IL12RB2: variants seen among roughly 807,000 people sequenced by gnomAD.
IL12RB2 encodes the protein interleukin-12 receptor subunit beta-2.
Under a neutral mutation model 89.4 loss-of-function variants are expected in IL12RB2, and 82 were observed. The ratio of observed to expected loss-of-function variants is 0.92; its 90% CI spans 0.77 to 1.10. IL12RB2 has a LOEUF of 1.10. Ranked by LOEUF, IL12RB2 falls within the 50% of genes least tolerant of loss-of-function variation. The pLI is 0.00. For missense variants in IL12RB2, 963 were observed against 1,031.9 expected, an observed-to-expected ratio of 0.93 and a Z score of 0.92; for synonymous variants, 368 against 370.1, an observed-to-expected ratio of 0.99 and a Z score of 0.07.
At chr1:67,370,032 A>C (rs544988636) in intron 11 of IL12RB2, among the ~76,000 whole-genome samples, 6 of 152,002 alleles carry the variant, frequency 3.9e-5, no homozygotes, top group African/African-American at 9.6e-5. Context: ...AAAAAAAAAA[A>C]AAAACAATAT....
rs1189721571 is a variant in IL12RB2, at chr1:67,372,475, A to T, written c.1499A>T (p.Tyr500Phe). ...KSYICYEIRV[Y>F]ALSGDQGGCS... ...TACATCTGTTATGAAATCCGTGTGTATGCACTCTCAGGGGATCAAGGAGGA... is the reference window on the plus strand; with the variant it reads ...TACATCTGTTATGAAATCCGTGTGTTTGCACTCTCAGGGGATCAAGGAGGA... The change falls in exon 12 of 17, where the codon TAT becomes TTT. Residue 500 changes from tyrosine to phenylalanine, a missense_variant. Transcript: ENST00000674203. 1.1e-5 allele frequency: 17 copies of T among 1,597,434 alleles called. No individual in the cohort carries two copies. Among genetic ancestry groups the T allele is most frequent in the Non-Finnish European group, 1.4e-5 (16 of 1,164,886 alleles).
chr1:67,351,457 C>T (rs570153754), intron 10 of IL12RB2, among the ~76,000 whole-genome samples: 24 of 152,084 alleles, frequency 1.6e-4, no homozygotes, highest in African/African-American at 2.4e-4. Context: ...AGGAGAAATA[C>T]GTGTTATGTT....
At chr1:67,389,368 G>A (rs1192891800) in intron 15 of IL12RB2, among the ~76,000 whole-genome samples, 1 of 150,818 alleles carries the variant, frequency 6.6e-6, no homozygotes, top group Non-Finnish European at 1.5e-5. Flanking sequence ...GCTTATGAAA[G>A]CCAAGTCTTT....
chr1:67,317,039 G>A (rs1292114712), intron 2 of IL12RB2, among the ~76,000 whole-genome samples: 1 of 152,138 alleles, frequency 6.6e-6, no homozygotes, highest in Non-Finnish European at 1.5e-5. Flanking sequence ...ATAACTGAAT[G>A]AAAGGTGTCT....
At chr1:67,331,180 A>G (rs1303501861) in intron 8 of IL12RB2, among the ~76,000 whole-genome samples, 1 of 152,234 alleles carries the variant, frequency 6.6e-6, no homozygotes, top group Non-Finnish European at 1.5e-5. Flanking sequence ...TTTTGATTCT[A>G]TGAAAAGTAA....
chr1:67,310,326 T>G (rs140732246), intron 1 of IL12RB2, among the ~76,000 whole-genome samples: 3 of 151,974 alleles, frequency 2.0e-5, no homozygotes, highest in African/African-American at 7.2e-5. Flanking sequence ...GTATTGAACA[T>G]GTACATTATG....
At chr1:67,355,360 G>A (rs1201452909) in intron 10 of IL12RB2, among the ~76,000 whole-genome samples, 1 of 147,954 alleles carries the variant, frequency 6.8e-6, no homozygotes. Context: ...ATTGCAGTGA[G>A]CCAAGATCAT....
At chr1:67,332,758 G>C (rs1487751458) in intron 8 of IL12RB2, among the ~76,000 whole-genome samples, 1 of 152,098 alleles carries the variant, frequency 6.6e-6, no homozygotes, top group African/African-American at 2.4e-5. Flanking sequence ...CAAGTTCAAG[G>C]TAGTAAGTAG....
intron 8 of IL12RB2, among the ~76,000 whole-genome samples, chr1:67,337,102 T>C (rs1028149947): frequency 3.9e-5 from 6 of 152,150 alleles, no homozygotes; most frequent in African/African-American, 1.4e-4. Context: ...GGAGGGGAGA[T>C]GGAGCTGTGG....
At chr1:67,312,669 T>A (rs1569676029) in intron 1 of IL12RB2, among the ~76,000 whole-genome samples, 5 of 96,668 alleles carry the variant, frequency 5.2e-5, no homozygotes, top group African/African-American at 1.3e-4. Context: ...TAAAGGAAGT[T>A]AAGAAAAAAA....
rs759529548 is a variant in IL12RB2 at position 67,396,141 on chromosome 1, GC to G, written c.*56del. The G allele has an allele frequency of 9.5e-7, 1 of 1,057,096 alleles. No individual in the cohort carries two copies. Among genetic ancestry groups the G allele is most frequent in the South Asian group, 1.2e-5 (1 of 80,166 alleles). 65.5% of individuals were successfully genotyped at this position (1,057,096 alleles called of 1,614,324 possible). The stretch of plus-strand genomic sequence containing the variant: ...AGTGTGCCCTCAACCAGCACAGCCT[GC>G]CCCAATTCCCCCAGCCCCTGCTCCA... On this transcript the variant is annotated 3_prime_UTR_variant, in exon 17 of 17. Transcript: ENST00000674203.
At chr1:67,346,378 ATTTTTTT>A (rs10577525) in intron 9 of IL12RB2, among the ~76,000 whole-genome samples, 63,624 of 94,054 alleles carry the variant, frequency 0.68, 21,850 homozygotes, top group South Asian at 0.79. Flanking sequence ...AGGGTTGTCT[ATTTTTTT>A]TTTTTTTTTT....
Position 67,326,788 on chromosome 1 carries a change from A to T in IL12RB2, c.418A>T (p.Thr140Ser), listed in dbSNP as rs201364780. 2.1e-5 allele frequency: 34 copies of T among 1,613,786 alleles called. No individual in the cohort carries two copies. The Admixed American group carries it at 4.5e-4, about 21-fold the overall frequency. Residue 140 changes from threonine (T) to serine (S), a missense_variant, in exon 5 of 17, where the codon ACT (threonine) becomes TCT (serine). By Grantham distance (58) the Thr-to-Ser change is moderately conservative. Transcript: ENST00000674203. ...CTGCATACAGAAGGGAGAACAGGGGACTGTGGCCTGCACCTGGGAAAGAGG... is the reference window on the plus strand; with the variant it reads ...CTGCATACAGAAGGGAGAACAGGGGTCTGTGGCCTGCACCTGGGAAAGAGG... ...LSCIQKGEQG[T>S]VACTWERGRD...
intron 10 of IL12RB2, among the ~76,000 whole-genome samples, chr1:67,353,237 G>A (rs1455649055): frequency 6.6e-6 from 1 of 152,120 alleles, no homozygotes; most frequent in Non-Finnish European, 1.5e-5. Context: ...AAGTGAAAAG[G>A]TAAGATTTTA....
chr1:67,312,873 C>G (rs1655267445), intron 1 of IL12RB2, among the ~76,000 whole-genome samples: 1 of 152,144 alleles, frequency 6.6e-6, no homozygotes, highest in South Asian at 2.1e-4. Flanking sequence ...TCGTCAGCTG[C>G]ACAAAAAGGA....
At chr1:67,319,431 G>A (rs1041191937) in intron 2 of IL12RB2, among the ~76,000 whole-genome samples, 1 of 152,114 alleles carries the variant, frequency 6.6e-6, no homozygotes, top group African/African-American at 2.4e-5. Context: ...AAGTAAACAA[G>A]CTTCTCTACA....
chr1:67,372,609 G>C lies in IL12RB2; in HGVS notation c.1559-16G>C. ...ATTTGGAGGGTGACAGAAGCCTCCT[G>C]TGCCCTACTTTACAGCACCACTGAG... is the stretch of plus-strand genomic sequence containing the variant. On this transcript the variant is annotated splice_polypyrimidine_tract_variant and intron_variant, in intron 12 of 16. Coordinates refer to ENST00000674203, the MANE Select transcript of IL12RB2 (RefSeq NM_001374259.2). 1.9e-6 allele frequency: 3 copies of C among 1,612,980 alleles called. No homozygotes were observed. The highest frequency in any genetic ancestry group is 2.5e-6 in the Non-Finnish European group (3 of 1,178,946).
At chr1:67,322,383 A>C (rs954933805) in intron 4 of IL12RB2, among the ~76,000 whole-genome samples, 4 of 151,814 alleles carry the variant, frequency 2.6e-5, no homozygotes, top group African/African-American at 7.3e-5. Context: ...GTAAAAGAAA[A>C]CATTGATCAT....
intron 2 of IL12RB2, among the ~76,000 whole-genome samples, chr1:67,317,059 T>G (rs893618658): frequency 1.8e-4 from 28 of 152,044 alleles, no homozygotes; most frequent in African/African-American, 6.0e-4. Flanking sequence ...TGAACTGAGT[T>G]TAGATGGATG....
Sources: allele counts gnomAD v4.1 joint callset (sites outside exome capture counted in the v4.1 genomes callset), GRCh38; gene constraint gnomAD v4.1.1; transcripts MANE v1.5; gene names NCBI Gene and HGNC (gene_info 2026-07-23, HGNC 2026-07-21).